Variants in TMEM178B observed in about 807,000 individuals in gnomAD.
TMEM178B encodes the protein transmembrane protein 178B.
TMEM178B carries 5 observed loss-of-function variants against 31.0 expected under a neutral mutation model. The observed-to-expected ratio is 0.16, with a 90% CI of 0.08 to 0.34. The LOEUF (loss-of-function observed/expected upper bound fraction) is 0.34, where lower values mean the gene tolerates loss of function less well. Ranked by LOEUF, TMEM178B falls within the 10% of genes least tolerant of loss-of-function variation. The pLI is 1.00. For missense variants in TMEM178B, 275 were observed against 400.3 expected (o/e 0.69, Z 2.67); for synonymous variants, 164 against 164.0 (o/e 1.00, Z 0.00).
chr7:141,496,101 G>T, the TMEM178B span, among the ~76,000 whole-genome samples: 3 of 152,300 alleles, frequency 2.0e-5, no homozygotes, highest in South Asian at 6.2e-4. Flanking sequence ...CTCAAAAAGA[G>T]CTCCTAAGCT....
At chr7:141,350,784 A>G (rs1799706656) in intron 2 of TMEM178B, among the ~76,000 whole-genome samples, 1 of 152,144 alleles carries the variant, frequency 6.6e-6, no homozygotes, top group South Asian at 2.1e-4. Context: ...TTTCTTACAT[A>G]CACACACACA....
At chr7:141,359,928 G>A (rs971908026) in intron 2 of TMEM178B, among the ~76,000 whole-genome samples, 1 of 152,104 alleles carries the variant, frequency 6.6e-6, no homozygotes, top group Non-Finnish European at 1.5e-5. Context: ...GAGCGAAAGG[G>A]GTTTCCCCCT....
At chr7:141,281,198 AG>A (rs762461145) in intron 2 of TMEM178B, among the ~76,000 whole-genome samples, 36 of 152,160 alleles carry the variant, frequency 2.4e-4, no homozygotes, top group Non-Finnish European at 3.4e-4. Context: ...AAATAGCTGC[AG>A]GGCTGCACCT....
At chr7:141,484,910 GA>G (rs536291628), downstream of TMEM178B, among the ~76,000 whole-genome samples, 14 of 148,988 alleles carry the variant, frequency 9.4e-5, no homozygotes, top group East Asian at 5.9e-4. This position sits in a 1 kb window ranked among gnomAD's most constrained non-coding sequence, Gnocchi z 4.8. Flanking sequence ...AAAAGACAAT[GA>G]AAAAAAAAAT....
chr7:141,190,579 C>G (rs10238437), intron 1 of TMEM178B, among the ~76,000 whole-genome samples: 112,064 of 151,974 alleles, frequency 0.74, 42,006 homozygotes, highest in African/African-American at 0.85. Context: ...TCAAGGTGTT[C>G]GGATTACAGG....
chr7:141,174,818 T>C (rs1281947636), intron 1 of TMEM178B, among the ~76,000 whole-genome samples: 2 of 152,234 alleles, frequency 1.3e-5, no homozygotes, highest in East Asian at 3.8e-4. Context: ...TGTCTGTTTT[T>C]TCATGTAAAT....
chr7:141,257,265 T>A (rs989716596), intron 2 of TMEM178B, among the ~76,000 whole-genome samples: 6 of 152,198 alleles, frequency 3.9e-5, no homozygotes, highest in African/African-American at 9.6e-5. Context: ...AACTAGCTGG[T>A]TGTTGGTGAT....
chr7:141,382,059 A>C, intron 2 of TMEM178B, among the ~76,000 whole-genome samples: 1 of 152,206 alleles, frequency 6.6e-6, no homozygotes, highest in East Asian at 1.9e-4. Context: ...CATTCAACGA[A>C]GTATGATCCC....
At chr7:141,351,748 C>T (rs1230286892) in intron 2 of TMEM178B, among the ~76,000 whole-genome samples, 1 of 152,134 alleles carries the variant, frequency 6.6e-6, no homozygotes, top group Non-Finnish European at 1.5e-5. Flanking sequence ...GAAAAAATGT[C>T]CTACCAATTT....
At chr7:141,466,412 G>A (rs190873225) in intron 3 of TMEM178B, among the ~76,000 whole-genome samples, 1 of 152,246 alleles carries the variant, frequency 6.6e-6, no homozygotes, top group Non-Finnish European at 1.5e-5. Context: ...CCATTCATCA[G>A]CCACATCCTT....
intron 2 of TMEM178B, among the ~76,000 whole-genome samples, chr7:141,329,397 T>G (rs1221405776): frequency 3.3e-5 from 5 of 152,206 alleles, no homozygotes; most frequent in African/African-American, 1.2e-4. Flanking sequence ...CTCATTATTC[T>G]TTCCCATGAC....
chr7:141,261,872 C>T (rs1798019393), intron 2 of TMEM178B, among the ~76,000 whole-genome samples: 1 of 152,174 alleles, frequency 6.6e-6, no homozygotes, highest in Non-Finnish European at 1.5e-5. Flanking sequence ...CCTTGAGCTT[C>T]ATAGAATCCT....
At chr7:141,359,883 G>C (rs893175739) in intron 2 of TMEM178B, among the ~76,000 whole-genome samples, 2 of 152,202 alleles carry the variant, frequency 1.3e-5, no homozygotes, top group Non-Finnish European at 2.9e-5. Flanking sequence ...AAAGGCGAAA[G>C]GCACAAGGCA....
intron 2 of TMEM178B, among the ~76,000 whole-genome samples, chr7:141,260,967 A>C (rs1045247806): frequency 5.9e-5 from 9 of 152,196 alleles, no homozygotes; most frequent in Admixed American, 5.9e-4. Flanking sequence ...TATAGGCTTT[A>C]TGGTAAGAAA....
At chr7:141,339,131 C>A (rs1043249336) in intron 2 of TMEM178B, among the ~76,000 whole-genome samples, 4 of 152,072 alleles carry the variant, frequency 2.6e-5, no homozygotes, top group African/African-American at 9.7e-5. Context: ...TTTCTTCATA[C>A]CAGGTTGCGA....
chr7:141,276,113 G>C lies in TMEM178B; in HGVS notation c.496+63409G>C, dbSNP rs112807740. Among the ~76,000 whole-genome samples, 711 of 152,258 alleles carry C rather than the reference G, an allele frequency of 4.7e-3. 7 individuals carry two copies. The highest frequency in any genetic ancestry group is 0.016 in the African/African-American group (664 of 41,532). ...GTATTAGAAAGGCTGAGGGGACATG[G>C]GGAAAATGCAGTGGGTTGGGGCTCA... On this transcript the variant is annotated intron_variant, in intron 2 of 3. Transcript: ENST00000565468.
At chr7:141,349,330 A>G (rs192278752) in intron 2 of TMEM178B, among the ~76,000 whole-genome samples, 10 of 152,330 alleles carry the variant, frequency 6.6e-5, no homozygotes, top group African/African-American at 1.9e-4. Context: ...GTAACCTACA[A>G]TCTCTGGGTG....
chr7:141,407,328 G>C (rs1029655207), intron 2 of TMEM178B, among the ~76,000 whole-genome samples: 19 of 152,178 alleles, frequency 1.2e-4, no homozygotes, highest in African/African-American at 4.3e-4. Flanking sequence ...AAAATAATTT[G>C]TATTTCACAG....
chr7:141,260,632 T>A (rs1278171266), intron 2 of TMEM178B, among the ~76,000 whole-genome samples: 1 of 152,188 alleles, frequency 6.6e-6, no homozygotes, highest in East Asian at 1.9e-4. Context: ...CCAGGCCCCA[T>A]CTGGAATATG....
Sources: allele counts gnomAD v4.1 joint callset (sites outside exome capture counted in the v4.1 genomes callset), GRCh38; gene constraint gnomAD v4.1.1; non-coding constraint Gnocchi (gnomAD v3.1); transcripts MANE v1.5; gene names NCBI Gene and HGNC (gene_info 2026-07-23, HGNC 2026-07-21).